The following SPOCK3 variants were observed in gnomAD, a reference collection of about 807,000 sequenced individuals.
The protein encoded by SPOCK3 is testican-3.
In SPOCK3, 30 loss-of-function variants were observed where a neutral mutation model predicts 56.6. The ratio of observed to expected loss-of-function variants is 0.53; its 90% CI spans 0.40 to 0.72. SPOCK3 has a LOEUF of 0.72. Ranked by LOEUF, SPOCK3 falls within the 30% of genes least tolerant of loss-of-function variation. SPOCK3 has a pLI of 0.00. For synonymous variants in SPOCK3, 196 were observed against 183.3 expected (o/e 1.07, Z -0.56); for missense variants, 527 against 530.0 (o/e 0.99, Z 0.06).
chr4:167,206,459 A>G (rs1734343476), intron 2 of SPOCK3, among the ~76,000 whole-genome samples: 1 of 152,114 alleles, frequency 6.6e-6, no homozygotes, highest in Admixed American at 6.6e-5. Flanking sequence ...TATTCTTATT[A>G]AATGACAGCT....
At chr4:167,129,254 C>T (rs183283376) in intron 2 of SPOCK3, among the ~76,000 whole-genome samples, 3 of 152,284 alleles carry the variant, frequency 2.0e-5, no homozygotes, top group Admixed American at 2.0e-4. Flanking sequence ...TTTAAGCATC[C>T]CATTACATGA....
chr4:166,876,766 A>G (rs1002381161), intron 6 of SPOCK3, among the ~76,000 whole-genome samples: 6 of 152,176 alleles, frequency 3.9e-5, no homozygotes, highest in African/African-American at 1.4e-4. Context: ...ATTTAAGTGT[A>G]AAAAACATAA....
intron 2 of SPOCK3, among the ~76,000 whole-genome samples, chr4:167,130,606 T>C (rs1232346700): frequency 6.6e-6 from 1 of 152,112 alleles, no homozygotes; most frequent in African/African-American, 2.4e-5. Flanking sequence ...ACCAGCAGTT[T>C]GCAACTAAAC....
intron 2 of SPOCK3, among the ~76,000 whole-genome samples, chr4:167,135,695 G>A (rs1214526361): frequency 6.6e-6 from 1 of 151,430 alleles, no homozygotes; most frequent in South Asian, 2.1e-4. Context: ...GTGTGTGTGT[G>A]TGTGTGTGTG....
chr4:166,974,588 T>C (rs991094162), intron 4 of SPOCK3, among the ~76,000 whole-genome samples: 1 of 152,170 alleles, frequency 6.6e-6, no homozygotes, highest in Non-Finnish European at 1.5e-5. Flanking sequence ...TCTCTTTCTC[T>C]ATATGTGTGT....
chr4:167,112,976 C>T (rs1253502837), intron 2 of SPOCK3, among the ~76,000 whole-genome samples: 3 of 152,074 alleles, frequency 2.0e-5, no homozygotes, highest in Admixed American at 2.0e-4. Context: ...GATTTCCTCC[C>T]CTATCATCAG....
intron 6 of SPOCK3, among the ~76,000 whole-genome samples, chr4:166,876,085 G>A (rs1388091591): frequency 1.3e-5 from 2 of 152,134 alleles, no homozygotes; most frequent in Admixed American, 6.5e-5. Flanking sequence ...AACTTAACTC[G>A]CTGTTGCCTT....
intron 3 of SPOCK3, among the ~76,000 whole-genome samples, chr4:167,019,738 A>C (rs1750990693): frequency 6.6e-6 from 1 of 152,106 alleles, no homozygotes; most frequent in Admixed American, 6.6e-5. Context: ...TCCAAATATC[A>C]CTTTTTCTTC....
intron 9 of SPOCK3, among the ~76,000 whole-genome samples, chr4:166,738,473 TTTA>T (rs1234138077): frequency 1.3e-5 from 2 of 151,566 alleles, no homozygotes; most frequent in African/African-American, 4.8e-5. Context: ...TTTTTCTTTT[TTTA>T]TTATTATTAT....
intron 2 of SPOCK3, among the ~76,000 whole-genome samples, chr4:167,210,960 T>C (rs1734813752): frequency 6.6e-6 from 1 of 152,220 alleles, no homozygotes; most frequent in Non-Finnish European, 1.5e-5. Flanking sequence ...ACATGCTTAA[T>C]CTAAATGTGG....
rs896861788 is a variant in SPOCK3 at position 166,950,056 on chromosome 4, T to G, written c.351-37313A>C. 7.3e-5 allele frequency among the ~76,000 whole-genome samples: 11 copies of G among 150,676 alleles called. 1 individual carries two copies. Among genetic ancestry groups the G allele is most frequent in the African/African-American group, 2.7e-4 (11 of 40,252 alleles). ...CGAGCAAAATAACCAGCTAACTTCA[T>G]AATGACAGGATCAAATTCACACATA... On this transcript the variant is annotated intron_variant, in intron 4 of 10. Transcript: ENST00000357545.
At chr4:167,078,433 T>C (rs1757407806) in intron 2 of SPOCK3, among the ~76,000 whole-genome samples, 1 of 149,018 alleles carries the variant, frequency 6.7e-6, no homozygotes, top group Non-Finnish European at 1.5e-5. Flanking sequence ...AAAAGGTAAG[T>C]TGTCTAAGGT....
At chr4:166,775,192 A>C (rs1422875048) in intron 7 of SPOCK3, among the ~76,000 whole-genome samples, 1 of 152,136 alleles carries the variant, frequency 6.6e-6, no homozygotes, top group Non-Finnish European at 1.5e-5. Flanking sequence ...CTGCAGAAAA[A>C]AAATGAACCA....
At position 167,234,093 on chromosome 4, in the gene SPOCK3, A is replaced by T; in HGVS notation, c.81T>A (p.Ala27=). Reference sequence around the variant, plus strand: ...CGCCGTCCGACCGCCCCCCGGCTGCAGCCACCGCCGCGGCAGCTGCGAGAG... The same window carrying T: ...CGCCGTCCGACCGCCCCCCGGCTGCTGCCACCGCCGCGGCAGCTGCGAGAG... ...SQSLAAAAAV[A]AAGGRSDGGN... Residue 27 remains alanine, a synonymous_variant, in exon 2 of 11, where the codon GCT becomes GCA. Transcript: ENST00000357545. The T allele has an allele frequency of 6.2e-7, 1 of 1,613,858 alleles. No homozygotes were observed. Among genetic ancestry groups the T allele is most frequent in the Non-Finnish European group, 8.5e-7 (1 of 1,179,962 alleles).
At chr4:167,096,146 T>C (rs1376982719) in intron 2 of SPOCK3, among the ~76,000 whole-genome samples, 2 of 151,940 alleles carry the variant, frequency 1.3e-5, no homozygotes, top group Non-Finnish European at 2.9e-5. Flanking sequence ...TGTACATAGA[T>C]AGGAAGCTTC....
At chr4:167,012,737 G>A (rs941398555) in intron 3 of SPOCK3, among the ~76,000 whole-genome samples, 1 of 151,928 alleles carries the variant, frequency 6.6e-6, no homozygotes, top group African/African-American at 2.4e-5. Context: ...AAAATGAAGT[G>A]ACCAGTAACT....
chr4:167,187,927 G>A lies in SPOCK3; in HGVS notation c.189+46058C>T, dbSNP rs558396950. ...GTGGGCTGCCATGCAAGGGTAAGGGGAAGAAAAAAGACTGCCCACTCTACC... is the reference window on the plus strand; with the variant it reads ...GTGGGCTGCCATGCAAGGGTAAGGGAAAGAAAAAAGACTGCCCACTCTACC... On this transcript the variant is annotated intron_variant, in intron 2 of 10. Transcript: ENST00000357545. Among the ~76,000 whole-genome samples, 37 of 152,188 alleles carry A rather than the reference G, an allele frequency of 2.4e-4. 1 individual carries two copies. Among genetic ancestry groups the A allele is most frequent in the African/African-American group, 8.7e-4 (36 of 41,532 alleles).
chr4:166,908,596 A>G (rs1176799594), intron 5 of SPOCK3, among the ~76,000 whole-genome samples: 1 of 151,886 alleles, frequency 6.6e-6, no homozygotes, highest in African/African-American at 2.4e-5. Context: ...TAAGGAATTC[A>G]TGATTGTTTA....
intron 2 of SPOCK3, among the ~76,000 whole-genome samples, chr4:167,160,856 C>G (rs140860083): frequency 0.18 from 27,658 of 151,996 alleles, 2,725 homozygotes; most frequent in Admixed American, 0.26. Flanking sequence ...GCTGAAACTG[C>G]ATCCCTTCCT....
Sources: gnomAD v4.1 joint callset for allele counts (sites outside exome capture counted in the v4.1 genomes callset) on GRCh38, gnomAD v4.1.1 for gene constraint, MANE v1.5 for transcripts, NCBI Gene and HGNC (gene_info 2026-07-23, HGNC 2026-07-21) for gene names.